The following SYNPO2 variants were observed in gnomAD, a reference collection of about 807,000 sequenced individuals.
SYNPO2 encodes the protein synaptopodin 2, also known as synaptopodin-2.
In SYNPO2, 56 loss-of-function variants were observed where a neutral mutation model predicts 85.0. That is an observed-to-expected ratio of 0.66 (90% confidence interval 0.53 to 0.82). The LOEUF is 0.82. Ranked by LOEUF, SYNPO2 falls within the 40% of genes least tolerant of loss-of-function variation. The pLI is 0.00. For missense variants in SYNPO2, 1,575 were observed against 1,534.2 expected, an observed-to-expected ratio of 1.03 and a Z score of -0.44; for synonymous variants, 602 against 591.1, an observed-to-expected ratio of 1.02 and a Z score of -0.27.
rs1039292535 is a variant in SYNPO2, at chr4:118,870,748, G to T, written c.12+19808G>T. 6.6e-5 allele frequency among the ~76,000 whole-genome samples: 10 copies of T among 152,254 alleles called. No individual in the cohort carries two copies. The South Asian group carries it at 2.1e-3, about 32-fold the overall frequency. On this transcript the variant is annotated intron_variant, in intron 1 of 4. Coordinates refer to the SYNPO2 transcript ENST00000610556. ...CACCATTCTGGCTGTAGGGGGTATG[G>T]GGGAGGGAGAGCATCAGGATAAATA... is the stretch of plus-strand genomic sequence containing the variant.
At chr4:119,001,341 G>C (rs1033434834) in intron 1 of SYNPO2, among the ~76,000 whole-genome samples, 1 of 152,164 alleles carries the variant, frequency 6.6e-6, no homozygotes, top group African/African-American at 2.4e-5. Context: ...TTTATATTTA[G>C]ATACTGACTT....
upstream of SYNPO2, among the ~76,000 whole-genome samples, chr4:118,887,813 T>C (rs1383929095): frequency 6.6e-6 from 1 of 152,206 alleles, no homozygotes; most frequent in Non-Finnish European, 1.5e-5. Context: ...ATATAGTGCT[T>C]CTTAGTGCTG....
At position 119,027,159 on chromosome 4, in the gene SYNPO2, A is replaced by G. The variant is rs975788881; in HGVS notation, c.790A>G (p.Ser264Gly). 6.2e-7 allele frequency: 1 copy of G among 1,614,210 alleles called. No individual in the cohort carries two copies. Among genetic ancestry groups the G allele is most frequent in the Non-Finnish European group, 8.5e-7 (1 of 1,180,046 alleles). The change falls in exon 3 of 5, where the codon AGT (serine) becomes GGT (glycine). Residue 264 changes from serine to glycine, a missense_variant. Transcript: ENST00000307142. ...GTCCAGCAAGATAATCCAGATCTCC[A>G]GTGGCAGAGAGTTGAGAGTGATCCA... ...LRSSKIIQIS[S>G]GRELRVIQES...
intron 4 of SYNPO2, chr4:119,035,046 G>T (rs566630360): frequency 1.0e-6 from 1 of 985,434 alleles, no homozygotes; most frequent in Non-Finnish European, 1.2e-6. Flanking sequence ...GCCAGCTCAA[G>T]AGCGACAATC....
At chr4:118,938,786 G>A (rs1026037183) in intron 1 of SYNPO2, among the ~76,000 whole-genome samples, 15 of 152,142 alleles carry the variant, frequency 9.9e-5, no homozygotes, top group Admixed American at 7.9e-4. Flanking sequence ...TGAAAAATAA[G>A]TCACCATTAC....
chr4:118,878,465 G>A (rs1156526799), intron 1 of SYNPO2, among the ~76,000 whole-genome samples: 2 of 152,236 alleles, frequency 1.3e-5, no homozygotes, highest in Admixed American at 1.3e-4. Flanking sequence ...GTGGAAGGGA[G>A]AGGTGAAGCC....
chr4:118,920,531 C>T (rs1039677699), intron 1 of SYNPO2, among the ~76,000 whole-genome samples: 8 of 152,118 alleles, frequency 5.3e-5, no homozygotes, highest in Admixed American at 6.6e-5. Context: ...CTTGTTCTGT[C>T]TTGGACAGAA....
At chr4:118,926,846 C>G (rs1329508654) in intron 1 of SYNPO2, among the ~76,000 whole-genome samples, 1 of 152,156 alleles carries the variant, frequency 6.6e-6, no homozygotes, top group Non-Finnish European at 1.5e-5. Flanking sequence ...TTAAGTCTGT[C>G]AAATCCCCAC....
intron 1 of SYNPO2, among the ~76,000 whole-genome samples, chr4:118,985,682 C>A (rs563323032): frequency 1.3e-5 from 2 of 152,334 alleles, no homozygotes; most frequent in East Asian, 3.9e-4. Context: ...TTAATCAATG[C>A]CAATTAGGCA....
intron 1 of SYNPO2, among the ~76,000 whole-genome samples, chr4:118,944,347 C>T (rs1734424375): frequency 6.6e-6 from 1 of 152,092 alleles, no homozygotes; most frequent in African/African-American, 2.4e-5. Context: ...ACTCTTTAGT[C>T]CTGGGGAAAT....
intron 1 of SYNPO2, among the ~76,000 whole-genome samples, chr4:118,985,192 G>GT (rs1736172799): frequency 4.9e-5 from 2 of 40,404 alleles, no homozygotes; most frequent in Non-Finnish European, 1.2e-4. Context: ...ATGTAGCAGG[G>GT]TTTGGGGGAA....
At chr4:119,052,063 T>C (rs1197791751) in intron 4 of SYNPO2, among the ~76,000 whole-genome samples, 1 of 152,160 alleles carries the variant, frequency 6.6e-6, no homozygotes, top group African/African-American at 2.4e-5. Context: ...GAGAACTTCA[T>C]GGGAGATACT....
chr4:118,933,692 T>C (rs1734002583), intron 1 of SYNPO2, among the ~76,000 whole-genome samples: 1 of 152,154 alleles, frequency 6.6e-6, no homozygotes, highest in Non-Finnish European at 1.5e-5. Context: ...ATGGGTCTTA[T>C]AGTTCTAGTG....
At chr4:118,936,576 C>T (rs780177214) in intron 1 of SYNPO2, among the ~76,000 whole-genome samples, 18 of 152,162 alleles carry the variant, frequency 1.2e-4, no homozygotes, top group Admixed American at 1.0e-3. Flanking sequence ...TCTCCAGCAG[C>T]GTGATAACCA....
chr4:118,989,454 A>T (rs2149167177), intron 1 of SYNPO2, among the ~76,000 whole-genome samples: 1 of 152,334 alleles, frequency 6.6e-6, no homozygotes, highest in East Asian at 1.9e-4. Flanking sequence ...TAATTGTTTC[A>T]TGTGTGATCA....
intron 1 of SYNPO2, among the ~76,000 whole-genome samples, chr4:118,955,465 G>T (rs1734843138): frequency 6.6e-6 from 1 of 152,238 alleles, no homozygotes; most frequent in Non-Finnish European, 1.5e-5. Context: ...TATAGAGTAT[G>T]CATTTCCCCT....
intron 1 of SYNPO2, among the ~76,000 whole-genome samples, chr4:119,009,562 C>T (rs1341317502): frequency 6.6e-6 from 1 of 152,074 alleles, no homozygotes; most frequent in Admixed American, 6.6e-5. Flanking sequence ...GATTGCCCCC[C>T]AAAATATTTT....
intron 4 of SYNPO2, chr4:119,034,508 T>C: frequency 1.0e-6 from 1 of 985,480 alleles, no homozygotes; most frequent in Non-Finnish European, 1.2e-6. Context: ...CCTAGGACTA[T>C]TTGGAGTTCT....
At chr4:118,976,299 C>G (rs1268638702) in intron 1 of SYNPO2, among the ~76,000 whole-genome samples, 2 of 152,102 alleles carry the variant, frequency 1.3e-5, no homozygotes, top group Non-Finnish European at 2.9e-5. Flanking sequence ...GGCAGCGCGT[C>G]TGGAGTTATT....
Sources: allele counts gnomAD v4.1 joint callset (sites outside exome capture counted in the v4.1 genomes callset), GRCh38; gene constraint gnomAD v4.1.1; transcripts MANE v1.5; gene names NCBI Gene and HGNC (gene_info 2026-07-23, HGNC 2026-07-21).